TLE4: variants seen among roughly 807,000 people sequenced by gnomAD.
The protein encoded by TLE4 is transducin-like enhancer protein 4.
Under a neutral mutation model 92.8 loss-of-function variants are expected in TLE4, and 8 were observed. The observed-to-expected ratio is 0.09, with a 90% CI of 0.05 to 0.16. TLE4 has a LOEUF of 0.16. TLE4 is among the 10% of genes least tolerant of loss of function. The pLI, the probability that TLE4 is intolerant of heterozygous loss-of-function variation, is 1.00. For synonymous variants in TLE4, 371 were observed against 374.1 expected (o/e 0.99, Z 0.10); for missense variants, 675 against 997.6 (o/e 0.68, Z 4.36).
intron 17 of TLE4, 22 bp from the exon 18 acceptor site, chr9:79,722,429 C>T: frequency 1.2e-6 from 2 of 1,613,316 alleles, no homozygotes; most frequent in Non-Finnish European, 1.7e-6. Flanking sequence ...GCCACTGTCA[C>T]CATCACCTGT....
chr9:79,606,021 A>T (rs1334199669), intron 4 of TLE4, among the ~76,000 whole-genome samples: 1 of 151,966 alleles, frequency 6.6e-6, no homozygotes, highest in East Asian at 1.9e-4. Flanking sequence ...CTACTCTGTT[A>T]TAGACAGTAT....
chr9:79,674,512 G>T (rs575957079), intron 8 of TLE4, among the ~76,000 whole-genome samples: 2 of 152,334 alleles, frequency 1.3e-5, no homozygotes, highest in South Asian at 4.1e-4. Context: ...AGGAGCCCCA[G>T]CAAGGGGCCT....
At chr9:79,610,284 A>G (rs1347841600) in intron 4 of TLE4, among the ~76,000 whole-genome samples, 1 of 152,088 alleles carries the variant, frequency 6.6e-6, no homozygotes, top group East Asian at 1.9e-4. Context: ...TGTGCTGGAA[A>G]AGGAGTTTGG....
intron 5 of TLE4, among the ~76,000 whole-genome samples, chr9:79,614,885 C>T (rs906041616): frequency 6.6e-6 from 1 of 152,014 alleles, no homozygotes; most frequent in Non-Finnish European, 1.5e-5. Context: ...TTTCTTCTTC[C>T]AGTGTGGCCC....
intron 9 of TLE4, 66 bp downstream of exon 9, chr9:79,704,968 T>C (rs2071105266): frequency 6.3e-7 from 1 of 1,597,880 alleles, no homozygotes; most frequent in Non-Finnish European, 8.5e-7. Context: ...CATTTTACCC[T>C]TTGACTATTA....
intron 8 of TLE4, among the ~76,000 whole-genome samples, chr9:79,658,139 A>T (rs900991518): frequency 6.6e-6 from 1 of 152,206 alleles, no homozygotes; most frequent in Non-Finnish European, 1.5e-5. Flanking sequence ...ATCAAAGAGT[A>T]TGATCATTTT....
chr9:79,588,557 C>T (rs1014898606), intron 4 of TLE4, among the ~76,000 whole-genome samples: 4 of 152,102 alleles, frequency 2.6e-5, no homozygotes, highest in African/African-American at 9.7e-5. Flanking sequence ...TTTTGTTTTG[C>T]AAATTAACAC....
intron 6 of TLE4, among the ~76,000 whole-genome samples, chr9:79,629,284 A>G (rs1325207156): frequency 1.3e-5 from 2 of 152,022 alleles, no homozygotes; most frequent in East Asian, 1.9e-4. Context: ...CACTTTGTTT[A>G]TGTGTTGGAT....
intron 5 of TLE4, among the ~76,000 whole-genome samples, chr9:79,619,509 A>AG (rs2050440734): frequency 6.6e-6 from 1 of 152,208 alleles, no homozygotes; most frequent in Admixed American, 6.5e-5. Flanking sequence ...GTGCCAGGTT[A>AG]ACTTGTCTTA....
chr9:79,698,872 C>CATATATAT (rs57671070), intron 8 of TLE4, among the ~76,000 whole-genome samples: 1 of 144,272 alleles, frequency 6.9e-6, no homozygotes, highest in Non-Finnish European at 1.5e-5. Context: ...TATATATATA[C>CATATATAT]ATATATATAT....
At chr9:79,590,067 C>T (rs2042162879) in intron 4 of TLE4, among the ~76,000 whole-genome samples, 1 of 152,102 alleles carries the variant, frequency 6.6e-6, no homozygotes, top group South Asian at 2.1e-4. Flanking sequence ...CACTATGCTG[C>T]GCTATGAATG....
At chr9:79,608,276 T>A (rs187776433) in intron 4 of TLE4, among the ~76,000 whole-genome samples, 12 of 152,204 alleles carry the variant, frequency 7.9e-5, no homozygotes, top group Admixed American at 7.9e-4. Flanking sequence ...TTCTCATTAG[T>A]CCTCTGACTT....
In TLE4 at chr9:79,704,991, G is replaced by A. The variant is rs1279743922; in HGVS notation, c.729+89G>A. 6 of 1,551,288 alleles carry A rather than the reference G, an allele frequency of 3.9e-6. No homozygotes were observed. The East Asian group carries it at 6.7e-5, about 17-fold the overall frequency. ...CCTTTGACTATTACCAGCCAACACA[G>A]GAACACAGGATAACATCCTTTAGGA... On this transcript the variant is annotated intron_variant, in intron 9 of 19. Transcript: ENST00000376552.
At chr9:79,710,038 TG>T (rs766627880) in intron 14 of TLE4, among the ~76,000 whole-genome samples, 2 of 152,216 alleles carry the variant, frequency 1.3e-5, no homozygotes, top group Non-Finnish European at 2.9e-5. Flanking sequence ...TTGAATATGT[TG>T]GGAAAAGACA....
chr9:79,630,956 A>T (rs1564507745), intron 6 of TLE4, among the ~76,000 whole-genome samples: 1 of 152,018 alleles, frequency 6.6e-6, no homozygotes, highest in Non-Finnish European at 1.5e-5. Flanking sequence ...CCCCTAACCC[A>T]CTTTTTAAAC....
intron 3 of TLE4, chr9:79,575,734 A>G (rs2037541714): frequency 6.3e-6 from 1 of 159,502 alleles, no homozygotes; most frequent in Admixed American, 6.5e-5. Context: ...AAGTAGCATC[A>G]CCTTTTCCAA....
rs2075682290 is a variant in TLE4, at chr9:79,721,792, T to C, written c.1890T>C (p.Asp630=). The C allele has an allele frequency of 6.2e-7, 1 of 1,614,094 alleles. No homozygotes were observed. The highest frequency in any genetic ancestry group is 1.3e-5 in the African/African-American group (1 of 74,934). ...CCAGCTGTATTGACATTTCTAATGATGGCACCAAGCTCTGGACAGGTGGTT... is the reference window on the plus strand; with the variant it reads ...CCAGCTGTATTGACATTTCTAATGACGGCACCAAGCTCTGGACAGGTGGTT... ...DGASCIDISN[D]GTKLWTGGLD... Residue 630 remains aspartate, a synonymous_variant, in exon 17 of 20, where the codon GAT becomes GAC. Coordinates refer to ENST00000376552, the MANE Select transcript of TLE4 (RefSeq NM_007005.6).
At chr9:79,671,524 G>T (rs1169684928) in intron 8 of TLE4, 1 of 293,428 alleles carries the variant, frequency 3.4e-6, no homozygotes, top group Non-Finnish European at 7.1e-6. Flanking sequence ...TGGGGAGAGG[G>T]AGTATACCCA....
chr9:79,632,463 C>G (rs1011264203), intron 6 of TLE4, among the ~76,000 whole-genome samples: 1 of 152,162 alleles, frequency 6.6e-6, no homozygotes, highest in South Asian at 2.1e-4. Flanking sequence ...AGCCCTCTCC[C>G]TCCACTTTCC....
Sources: allele counts gnomAD v4.1 joint callset (sites outside exome capture counted in the v4.1 genomes callset), GRCh38; gene constraint gnomAD v4.1.1; transcripts MANE v1.5; gene names NCBI Gene and HGNC (gene_info 2026-07-23, HGNC 2026-07-21).